Variants in LRRIQ1 observed in about 807,000 individuals in gnomAD.
LRRIQ1 encodes the protein leucine-rich repeat- and IQ domain-containing protein 1.
In LRRIQ1, 210 loss-of-function variants were observed where a neutral mutation model predicts 211.9. The ratio of observed to expected loss-of-function variants is 0.99; its 90% confidence interval spans 0.89 to 1.11. LRRIQ1 has a LOEUF of 1.11. Among genes scored for constraint, LRRIQ1 ranks in the 50% most tolerant of loss-of-function variants. The probability of loss-of-function intolerance (pLI) is 0.00; values close to 1 mark genes in which losing one functional copy is unlikely to be tolerated. For missense variants in LRRIQ1, 2,136 were observed against 1,939.5 expected (o/e 1.10, Z -1.90); for synonymous variants, 699 against 650.1 (o/e 1.08, Z -1.14).
rs540175605 is a variant in LRRIQ1, at chr12:85,139,243, A to T, written c.4329+1274A>T. 7.9e-5 allele frequency among the ~76,000 whole-genome samples: 12 copies of T among 151,574 alleles called. No individual in the cohort carries two copies. The South Asian group carries it at 1.0e-3, about 13-fold the overall frequency. On this transcript the variant is annotated intron_variant, in intron 19 of 26. Coordinates refer to ENST00000393217, the MANE Select transcript of LRRIQ1 (RefSeq NM_001079910.2). ...CCAGAATAGGAAAGATCTTTTCAGC[A>T]CACCCATGCTATGTAACAAAAAGGG...
At chr12:85,237,680 G>C (rs1194737048) in intron 26 of LRRIQ1, among the ~76,000 whole-genome samples, 1 of 151,820 alleles carries the variant, frequency 6.6e-6, no homozygotes, top group African/African-American at 2.4e-5. Flanking sequence ...TTTAGGAAGG[G>C]GTGACTCTAG....
chr12:85,146,626 G>GT (rs1374827753), intron 19 of LRRIQ1, among the ~76,000 whole-genome samples: 1 of 151,644 alleles, frequency 6.6e-6, no homozygotes, highest in African/African-American at 2.4e-5. Context: ...AAAGATTCTG[G>GT]TTTTTTGTTC....
In LRRIQ1 at chr12:85,055,687, T is replaced by A. The variant is rs7974418; in HGVS notation, c.894T>A (p.Val298=). Residue 298 remains valine, a synonymous_variant, in exon 8 of 27, where the codon GTT becomes GTA. Transcript: ENST00000393217. The stretch of plus-strand genomic sequence containing the variant: ...TTCAAGCTAAATATAAAGCATTTGT[T>A]GCCTATCAAAAATATGGCCCAATTA... ...VKIQAKYKAF[V]AYQKYGPIIK... The A allele has an allele frequency of 0.52, 830,861 of 1,607,334 alleles. 221,863 individuals are homozygous for A. Among genetic ancestry groups the A allele is most frequent in the African/African-American group, 0.87 (64,679 of 74,498 alleles).
intron 11 of LRRIQ1, among the ~76,000 whole-genome samples, chr12:85,076,943 C>G (rs1883729763): frequency 6.6e-6 from 1 of 152,146 alleles, no homozygotes; most frequent in Non-Finnish European, 1.5e-5. Context: ...TCATCTAACT[C>G]ATGGCAGAGG....
chr12:85,040,895 G>T (rs2135875220), intron 3 of LRRIQ1, among the ~76,000 whole-genome samples: 1 of 151,338 alleles, frequency 6.6e-6, no homozygotes, highest in African/African-American at 2.4e-5. Flanking sequence ...CTAATCAAGA[G>T]AATTTTTTTG....
At chr12:85,155,069 AG>A (rs1890468856) in intron 23 of LRRIQ1, among the ~76,000 whole-genome samples, 1 of 151,460 alleles carries the variant, frequency 6.6e-6, no homozygotes. Context: ...TTGATTTTCA[AG>A]GAATAACTGA....
chr12:85,260,912 T>C (rs1359072738), intron 1 of LRRIQ1, among the ~76,000 whole-genome samples: 1 of 152,202 alleles, frequency 6.6e-6, no homozygotes, highest in East Asian at 1.9e-4. Flanking sequence ...TCTAAGAAAC[T>C]CTTGCTTCTA....
chr12:85,195,303 A>G (rs1418085880), intron 24 of LRRIQ1, among the ~76,000 whole-genome samples: 1 of 151,950 alleles, frequency 6.6e-6, no homozygotes, highest in Non-Finnish European at 1.5e-5. Context: ...AAAAGAGGGA[A>G]TCCTCCCTAA....
intron 18 of LRRIQ1, among the ~76,000 whole-genome samples, chr12:85,134,697 C>T (rs542249546): frequency 6.6e-6 from 1 of 152,124 alleles, no homozygotes; most frequent in African/African-American, 2.4e-5. Flanking sequence ...TGATTTCTCA[C>T]TTTATGTAAT....
At chr12:85,173,921 A>T (rs1246230370) in intron 24 of LRRIQ1, among the ~76,000 whole-genome samples, 1 of 152,134 alleles carries the variant, frequency 6.6e-6, no homozygotes, top group African/African-American at 2.4e-5. Flanking sequence ...TCAGTGCAAG[A>T]GGAAACATCT....
At chr12:85,191,675 G>A (rs913374762) in intron 24 of LRRIQ1, among the ~76,000 whole-genome samples, 1 of 151,916 alleles carries the variant, frequency 6.6e-6, no homozygotes, top group Non-Finnish European at 1.5e-5. Context: ...ACTTATTTAG[G>A]TAAGAGTGAC....
intron 25 of LRRIQ1, among the ~76,000 whole-genome samples, chr12:85,232,098 TACTC>T (rs1894969563): frequency 6.6e-6 from 1 of 152,184 alleles, no homozygotes; most frequent in African/African-American, 2.4e-5. Context: ...CAATAACCCT[TACTC>T]ATAAATAAGT....
chr12:85,099,019 T>G (rs1275264311), intron 13 of LRRIQ1, 25 bp downstream of exon 13: 1 of 1,450,358 alleles, frequency 6.9e-7, no homozygotes, highest in East Asian at 2.5e-5. Flanking sequence ...AAGAAATAAA[T>G]TCAGTGAATG....
At chr12:85,037,455 CCTGGTTCTGT>C (rs1433844543) in intron 1 of LRRIQ1, among the ~76,000 whole-genome samples, 1 of 151,632 alleles carries the variant, frequency 6.6e-6, no homozygotes, top group Non-Finnish European at 1.5e-5. Flanking sequence ...AATATTTTGC[CCTGGTTCTGT>C]CTGGAGTTCC....
chr12:85,148,221 G>C (rs1355459282), intron 19 of LRRIQ1, among the ~76,000 whole-genome samples: 1 of 151,532 alleles, frequency 6.6e-6, no homozygotes, highest in Non-Finnish European at 1.5e-5. Context: ...TGCAGAACAT[G>C]CAGATTTGTT....
In LRRIQ1 at chr12:85,056,603, A is replaced by T; in HGVS notation, c.1810A>T (p.Thr604Ser). The T allele has an allele frequency of 1.3e-6, 2 of 1,593,916 alleles. No individual in the cohort carries two copies. Among genetic ancestry groups the T allele is most frequent in the Non-Finnish European group, 1.7e-6 (2 of 1,171,626 alleles). Residue 604 changes from threonine (T) to serine (S), a missense_variant, in exon 8 of 27, where the codon ACT becomes TCT. Transcript: ENST00000393217. ...TGGATTATTATATAAAGATAAGGAT[A>T]CTTTAGTTATTTCAGTGAAACAAAG... The part of the protein sequence containing the change: ...QNGLLYKDKD[T>S]LVISVKQRSL...
chr12:85,165,761 G>A (rs919220665), intron 24 of LRRIQ1, among the ~76,000 whole-genome samples: 4 of 152,022 alleles, frequency 2.6e-5, no homozygotes, highest in African/African-American at 9.7e-5. Context: ...GAGCCACCGC[G>A]CCCGGCTGAT....
chr12:85,149,189 A>G (rs1276888454), intron 19 of LRRIQ1, among the ~76,000 whole-genome samples: 1 of 151,900 alleles, frequency 6.6e-6, no homozygotes. Context: ...CTTTTATTGC[A>G]ATTGCTTTTG....
chr12:85,225,340 C>T (rs1447847146), intron 24 of LRRIQ1, among the ~76,000 whole-genome samples: 3 of 152,008 alleles, frequency 2.0e-5, no homozygotes, highest in Non-Finnish European at 4.4e-5. Context: ...TACTGAGGAA[C>T]AACTATGTGT....
Sources: allele counts gnomAD v4.1 joint callset (sites outside exome capture counted in the v4.1 genomes callset), GRCh38; gene constraint gnomAD v4.1.1; transcripts MANE v1.5; gene names NCBI Gene and HGNC (gene_info 2026-07-23, HGNC 2026-07-21).